Variants in ACSM1 observed in about 807,000 individuals in gnomAD.
ACSM1 encodes the protein acyl-coenzyme A synthetase ACSM1, mitochondrial.
Under a neutral mutation model 75.8 loss-of-function variants are expected in ACSM1, and 79 were observed. The ratio of observed to expected loss-of-function variants is 1.04; its 90% CI spans 0.87 to 1.26. The LOEUF is 1.26. Ranked by LOEUF, ACSM1 falls within the 50% of genes most tolerant of loss-of-function variation. The pLI is 0.00. For synonymous variants in ACSM1, 279 were observed against 265.8 expected (o/e 1.05, Z -0.48); for missense variants, 676 against 720.1 (o/e 0.94, Z 0.70).
chr16:20,685,847 C>CAAA (rs1491230287), intron 2 of ACSM1, among the ~76,000 whole-genome samples: 1 of 91,032 alleles, frequency 1.1e-5, no homozygotes, highest in Non-Finnish European at 2.2e-5. Context: ...AAAAAAAAAA[C>CAAA]AAAAAACTTA....
At chr16:20,643,004 A>G (rs2018150005) in intron 7 of ACSM1, among the ~76,000 whole-genome samples, 1 of 152,222 alleles carries the variant, frequency 6.6e-6, no homozygotes, top group Non-Finnish European at 1.5e-5. Flanking sequence ...GTAATCTGAA[A>G]GCACTTCACT....
At chr16:20,626,451 T>C (rs1038819229) in intron 11 of ACSM1, among the ~76,000 whole-genome samples, 1 of 152,114 alleles carries the variant, frequency 6.6e-6, no homozygotes, top group Admixed American at 6.5e-5. Context: ...TGCGCCTTTT[T>C]AAAAATCATG....
At position 20,685,819 on chromosome 16, in the gene ACSM1, C is replaced by CAAAAAAAAAA. The variant is rs71842093; in HGVS notation, c.193-426_193-417dup. On this transcript the variant is annotated intron_variant, in intron 2 of 13. Coordinates refer to ENST00000520010, the MANE Select transcript of ACSM1 (RefSeq NM_001318890.3). ...TGGATGACACAGTGAGACTCCGTCT[C>CAAAAAAAAAA]AAAAAAAAAAAACAAACAAAAAAAA... Among the ~76,000 whole-genome samples the CAAAAAAAAAA allele has an allele frequency of 3.6e-4, 18 of 50,118 alleles. 4 individuals are homozygous for CAAAAAAAAAA. Among genetic ancestry groups the CAAAAAAAAAA allele is most frequent in the South Asian group, 8.5e-4 (1 of 1,174 alleles). 32.9% of individuals were successfully genotyped at this position (50,118 alleles called of 152,430 possible). A position where few individuals can be genotyped will look rare whatever the true frequency, so the allele number is the denominator to read the frequency against.
chr16:20,671,746 C>T, intron 4 of ACSM1, 75 bp from the exon 5 acceptor site: 1 of 1,421,854 alleles, frequency 7.0e-7, no homozygotes, highest in Non-Finnish European at 9.3e-7. Flanking sequence ...GCAAAAGAAA[C>T]ATAAGGCACG....
intron 2 of ACSM1, among the ~76,000 whole-genome samples, chr16:20,686,143 A>C (rs775721309): frequency 2.6e-5 from 4 of 152,188 alleles, no homozygotes; most frequent in Non-Finnish European, 5.9e-5. Flanking sequence ...GTAAATGCTC[A>C]ATAAATATTA....
At chr16:20,636,680 T>C (rs1386088177) in intron 10 of ACSM1, 59 bp downstream of exon 10, 13 of 1,243,532 alleles carry the variant, frequency 1.0e-5, no homozygotes, top group Non-Finnish European at 1.5e-5. Context: ...AGCCTCAGGA[T>C]GCAGAGCTCC....
chr16:20,663,946 C>G (rs982350990), intron 6 of ACSM1, among the ~76,000 whole-genome samples: 1 of 151,974 alleles, frequency 6.6e-6, no homozygotes, highest in African/African-American at 2.4e-5. Context: ...GAAATTGGCA[C>G]TTAGTAGGTG....
intron 2 of ACSM1, among the ~76,000 whole-genome samples, chr16:20,688,789 A>G (rs1277798835): frequency 6.6e-6 from 1 of 152,010 alleles, no homozygotes; most frequent in East Asian, 1.9e-4. Context: ...AAGGTGAAAT[A>G]AAAGAATGCT....
chr16:20,668,383 G>A (rs1472445682), intron 6 of ACSM1, among the ~76,000 whole-genome samples: 1 of 152,172 alleles, frequency 6.6e-6, no homozygotes, highest in Admixed American at 6.6e-5. Flanking sequence ...AATTAGGCAT[G>A]AGGATGGGAA....
chr16:20,640,122 T>C (rs1194071738), intron 8 of ACSM1, among the ~76,000 whole-genome samples: 5 of 152,228 alleles, frequency 3.3e-5, no homozygotes, highest in African/African-American at 1.2e-4. Flanking sequence ...ATGTACCTAG[T>C]TGCTTTCTCT....
chr16:20,677,527 C>T (rs900079485), intron 4 of ACSM1, among the ~76,000 whole-genome samples: 3 of 152,206 alleles, frequency 2.0e-5, no homozygotes, highest in Non-Finnish European at 4.4e-5. Flanking sequence ...CTCATCAAGT[C>T]AGTACCAGGA....
chr16:20,657,372 G>A (rs904677203), intron 7 of ACSM1, among the ~76,000 whole-genome samples: 4 of 151,756 alleles, frequency 2.6e-5, no homozygotes, highest in Non-Finnish European at 5.9e-5. Flanking sequence ...GCAGCAGTGC[G>A]ATCTCAGCTC....
intron 7 of ACSM1, among the ~76,000 whole-genome samples, chr16:20,647,444 C>T (rs1028839865): frequency 7.2e-5 from 11 of 152,174 alleles, no homozygotes; most frequent in African/African-American, 2.7e-4. Flanking sequence ...CACCTCTATT[C>T]AGCATGAAGT....
intron 1 of ACSM1, among the ~76,000 whole-genome samples, chr16:20,691,765 G>C (rs2079655619): frequency 1.9e-5 from 1 of 53,234 alleles, no homozygotes; most frequent in South Asian, 6.3e-4. Flanking sequence ...GTGTGTGTGT[G>C]TGTGTGTGTG....
intron 10 of ACSM1, among the ~76,000 whole-genome samples, chr16:20,632,133 T>TA (rs766707324): frequency 1.3e-5 from 2 of 152,082 alleles, no homozygotes; most frequent in Non-Finnish European, 2.9e-5. Context: ...CTTTAGCACA[T>TA]ACGTTAAAAA....
intron 4 of ACSM1, chr16:20,680,473 A>G (rs2079418930): frequency 6.6e-6 from 1 of 152,256 alleles, no homozygotes; most frequent in African/African-American, 2.4e-5. Flanking sequence ...TGGAGGAACT[A>G]ATATGGGGAA....
intron 7 of ACSM1, among the ~76,000 whole-genome samples, chr16:20,660,062 C>T: frequency 6.6e-6 from 1 of 152,178 alleles, no homozygotes; most frequent in South Asian, 2.1e-4. Context: ...GTTCTCAGGA[C>T]CTCCTGAGGG....
intron 1 of ACSM1, among the ~76,000 whole-genome samples, chr16:20,695,440 G>C (rs936833469): frequency 6.6e-6 from 1 of 152,054 alleles, no homozygotes; most frequent in South Asian, 2.1e-4. Context: ...TAAGCCAGAG[G>C]AAAAAAATTT....
chr16:20,682,831 C>A (rs2079474444), intron 3 of ACSM1, among the ~76,000 whole-genome samples: 1 of 152,148 alleles, frequency 6.6e-6, no homozygotes, highest in African/African-American at 2.4e-5. Flanking sequence ...AGAATAGCTG[C>A]ATCTCTCCCC....
Sources: gnomAD v4.1 joint callset for allele counts (sites outside exome capture counted in the v4.1 genomes callset) on GRCh38, gnomAD v4.1.1 for gene constraint, MANE v1.5 for transcripts, NCBI Gene and HGNC (gene_info 2026-07-23, HGNC 2026-07-21) for gene names.